The following DIAPH2 variants were observed in gnomAD, a reference collection of about 807,000 sequenced individuals.
DIAPH2 encodes diaphanous related formin 2, also known as protein diaphanous homolog 2.
Under a neutral mutation model 92.7 loss-of-function variants are expected in DIAPH2, and 35 were observed. That is an observed-to-expected ratio of 0.38 (90% CI 0.29 to 0.50). DIAPH2 has a LOEUF of 0.50. Among genes scored for constraint, DIAPH2 ranks in the 20% least tolerant of loss-of-function variants. The pLI, the probability that DIAPH2 is intolerant of heterozygous loss-of-function variation, is 0.94. For synonymous variants in DIAPH2, 301 were observed against 280.4 expected (o/e 1.07, Z -0.73); for missense variants, 701 against 819.5 (o/e 0.86, Z 1.77).
chrX:97,284,808 A>G lies in DIAPH2; in HGVS notation c.2844+36969A>G, dbSNP rs1035643890. Among the ~76,000 whole-genome samples, 6 of 110,803 alleles carry G rather than the reference A, an allele frequency of 5.4e-5. No individual in the cohort carries two copies. In the Admixed American group the frequency reaches 5.9e-4, roughly 11 times the overall value. ...TTAGTGTGCCATATCTTACTTGTGT[A>G]TCTATCTCTTTTCTAAGCTATGAAT... On this transcript the variant is annotated intron_variant, in intron 23 of 26. Transcript: ENST00000324765.
intron 20 of DIAPH2, among the ~76,000 whole-genome samples, chrX:97,104,602 A>G (rs1025418077): frequency 9.1e-6 from 1 of 110,037 alleles, no homozygotes; most frequent in African/African-American, 3.3e-5. Flanking sequence ...GTTGGTGTTG[A>G]ACTCCTGGCC....
intron 26 of DIAPH2, among the ~76,000 whole-genome samples, chrX:97,488,517 T>C (rs1034465087): frequency 8.9e-6 from 1 of 112,178 alleles, no homozygotes; most frequent in Non-Finnish European, 1.9e-5. Flanking sequence ...CAAGAAATCA[T>C]TGCCCAGACC....
intron 7 of DIAPH2, among the ~76,000 whole-genome samples, chrX:96,915,602 G>A (rs181932470): frequency 8.3e-4 from 92 of 110,740 alleles, no homozygotes; most frequent in Admixed American, 7.2e-3. Flanking sequence ...ATTTTGCTCC[G>A]ATGAAATATC....
chrX:96,742,188 C>T (rs1361309296), intron 3 of DIAPH2, among the ~76,000 whole-genome samples: 1 of 111,702 alleles, frequency 9.0e-6, no homozygotes, highest in African/African-American at 3.3e-5. Context: ...CCTTCACTAC[C>T]CTTTTCTCAC....
chrX:97,588,989 T>TAGAAATATA (rs1420468106), intron 26 of DIAPH2, among the ~76,000 whole-genome samples: 1 of 11,647 alleles, frequency 8.6e-5, no homozygotes, highest in Non-Finnish European at 3.1e-4. Context: ...AATTCAGATA[T>TAGAAATATA]TATAGAAATA....
At chrX:97,185,474 CATATATAT>C (rs1180330581) in intron 22 of DIAPH2, among the ~76,000 whole-genome samples, 303 of 10,471 alleles carry the variant, frequency 0.029, 14 homozygotes, top group Middle Eastern at 0.17. Context: ...TATATATACA[CATATATAT>C]ATATATATAT....
At chrX:96,965,336 T>A (rs181228045) in intron 17 of DIAPH2, 129 bp downstream of exon 17, 20 of 331,141 alleles carry the variant, frequency 6.0e-5, no homozygotes, top group Middle Eastern at 9.7e-4. Context: ...CATAAATAGA[T>A]TGACATTTAA....
intron 23 of DIAPH2, among the ~76,000 whole-genome samples, chrX:97,313,889 C>T (rs1021988144): frequency 1.8e-5 from 2 of 110,084 alleles, no homozygotes; most frequent in African/African-American, 6.6e-5. Flanking sequence ...ATCCACCCGC[C>T]TCGGCTTCCC....
chrX:97,233,862 T>A (rs1168603042), intron 22 of DIAPH2, among the ~76,000 whole-genome samples: 1 of 111,683 alleles, frequency 9.0e-6, no homozygotes, highest in Non-Finnish European at 1.9e-5. Context: ...GCTAACTCAA[T>A]TAAAAAGTTT....
At position 96,738,650 on chromosome X, in the gene DIAPH2, C is replaced by A; in HGVS notation, c.230C>A (p.Pro77His). 1.7e-6 allele frequency: 2 copies of A among 1,206,235 alleles called. No homozygotes were observed. The highest frequency in any genetic ancestry group is 2.2e-6 in the Non-Finnish European group (2 of 892,066). Residue 77 changes from proline (P) to histidine (H), a missense_variant, in exon 3 of 27, where the codon CCT (proline) becomes CAT (histidine). By Grantham distance (77) the Pro-to-His change is moderately conservative. Transcript: ENST00000324765. ...VKKEKPLIQH[P>H]IDSQVAMSEF... ...AAAGAAAAACCTCTTATTCAACATC[C>A]TATTGATTCTCAAGTCGCGATGAGT...
chrX:97,121,651 T>C (rs770981431), intron 21 of DIAPH2, among the ~76,000 whole-genome samples: 4 of 112,414 alleles, frequency 3.6e-5, no homozygotes, highest in African/African-American at 1.3e-4. Flanking sequence ...AATATGTAAC[T>C]GTAAGATTTT....
At chrX:96,920,826 A>G (rs2065537489) in intron 9 of DIAPH2, among the ~76,000 whole-genome samples, 1 of 112,469 alleles carries the variant, frequency 8.9e-6, no homozygotes. Context: ...AGATGCAAAC[A>G]TATGCAGACC....
chrX:97,413,042 C>T (rs1289099610), intron 25 of DIAPH2, among the ~76,000 whole-genome samples: 3 of 111,922 alleles, frequency 2.7e-5, no homozygotes, highest in Non-Finnish European at 1.9e-5. Context: ...GGAATCCTCC[C>T]TAACTCATTT....
intron 23 of DIAPH2, among the ~76,000 whole-genome samples, chrX:97,331,216 A>G (rs1173466435): frequency 2.7e-5 from 3 of 111,912 alleles, no homozygotes; most frequent in Non-Finnish European, 5.6e-5. Flanking sequence ...TTTTGTCTCT[A>G]ACAAAGGAAA....
intron 25 of DIAPH2, among the ~76,000 whole-genome samples, chrX:97,418,800 C>T (rs2069976252): frequency 1.8e-5 from 2 of 111,817 alleles, no homozygotes; most frequent in South Asian, 7.5e-4. Context: ...TGAAAAACCT[C>T]TCTTCTCTTT....
At chrX:97,092,112 C>T (rs1238695163) in intron 19 of DIAPH2, among the ~76,000 whole-genome samples, 1 of 112,195 alleles carries the variant, frequency 8.9e-6, no homozygotes, top group African/African-American at 3.2e-5. Flanking sequence ...CTACGATAGT[C>T]TTGGACTTCA....
At chrX:96,720,641 A>T (rs1022622464) in intron 1 of DIAPH2, among the ~76,000 whole-genome samples, 1 of 111,922 alleles carries the variant, frequency 8.9e-6, no homozygotes, top group Non-Finnish European at 1.9e-5. Flanking sequence ...AAGCCAGAAG[A>T]AAATTCAAGT....
intron 26 of DIAPH2, among the ~76,000 whole-genome samples, chrX:97,583,866 AATC>A: frequency 8.9e-6 from 1 of 112,155 alleles, no homozygotes. Context: ...TGCGGGATAT[AATC>A]TCGTGGTGCG....
At chrX:97,185,486 T>TATACAC (rs2067593141) in intron 22 of DIAPH2, among the ~76,000 whole-genome samples, 1 of 14,742 alleles carries the variant, frequency 6.8e-5, no homozygotes, top group Non-Finnish European at 1.4e-4. Context: ...TATATATATA[T>TATACAC]ATATATATAT....
Sources: allele counts gnomAD v4.1 joint callset (sites outside exome capture counted in the v4.1 genomes callset), GRCh38; gene constraint gnomAD v4.1.1; transcripts MANE v1.5; gene names NCBI Gene and HGNC (gene_info 2026-07-23, HGNC 2026-07-21).